CSGALNACT2: variants seen among roughly 807,000 people sequenced by gnomAD.
CSGALNACT2 encodes beta 4 GalNAcT-2.
Under a neutral mutation model 55.3 loss-of-function variants are expected in CSGALNACT2, and 35 were observed. The observed-to-expected ratio is 0.63, with a 90% CI of 0.48 to 0.84. The LOEUF (loss-of-function observed/expected upper bound fraction) is 0.84. CSGALNACT2 is among the 40% of genes least tolerant of loss of function. The probability of loss-of-function intolerance (pLI) is 0.00; values close to 1 mark genes in which losing one functional copy is unlikely to be tolerated. For missense variants in CSGALNACT2, 544 were observed against 657.5 expected (o/e 0.83, Z 1.89); for synonymous variants, 196 against 224.9 (o/e 0.87, Z 1.15).
intron 5 of CSGALNACT2, among the ~76,000 whole-genome samples, chr10:43,164,741 G>A (rs757596119): frequency 9.2e-5 from 14 of 151,562 alleles, no homozygotes; most frequent in Non-Finnish European, 1.0e-4. Context: ...TAGCTACTCG[G>A]GTGGCTGAGG....
Position 43,182,224 on chromosome 10 carries a change from A to G in CSGALNACT2, c.1337-1026A>G, listed in dbSNP as rs1839602684. On this transcript the variant is annotated intron_variant, in intron 7 of 7. Transcript: ENST00000374466. ...AACATTTATGCTGCCAGGTCCAGTC[A>G]GTTCTTCTTAAATTCTTCACTGAAT... is the stretch of plus-strand genomic sequence containing the variant. Among the ~76,000 whole-genome samples the G allele has an allele frequency of 2.0e-5, 3 of 152,140 alleles. No individual in the cohort carries two copies. The South Asian group carries it at 6.2e-4, about 32-fold the overall frequency.
At chr10:43,171,319 G>T (rs2503864) in intron 6 of CSGALNACT2, among the ~76,000 whole-genome samples, 127,156 of 151,906 alleles carry the variant, frequency 0.84, 53,821 homozygotes, top group African/African-American at 0.94. Context: ...AGTCAACATA[G>T]AAGCGTGAAG....
At position 43,142,420 on chromosome 10, in the gene CSGALNACT2, TCTTGAA is replaced by T. The variant is rs529570089; in HGVS notation, c.-254+3856_-254+3861del. On this transcript the variant is annotated intron_variant, in intron 1 of 7. Coordinates refer to ENST00000374466, the MANE Select transcript of CSGALNACT2 (RefSeq NM_018590.5). ...GGTTTCACCGTGTTCCTCAGGCTGGTCTTGAACTCCTGACCTCGTGATCTGCCTGCC... is the reference window on the plus strand; with the variant it reads ...GGTTTCACCGTGTTCCTCAGGCTGGTCTCCTGACCTCGTGATCTGCCTGCC... Among the ~76,000 whole-genome samples the T allele has an allele frequency of 3.0e-4, 46 of 152,256 alleles. 1 individual carries two copies. The highest frequency in any genetic ancestry group is 1.1e-3 in the African/African-American group (46 of 41,546).
intron 5 of CSGALNACT2, among the ~76,000 whole-genome samples, chr10:43,164,649 C>A (rs1032746028): frequency 3.9e-5 from 6 of 152,016 alleles, no homozygotes; most frequent in Admixed American, 6.6e-5. Flanking sequence ...GAGATTGAGA[C>A]CATCCTGGCC....
intron 2 of CSGALNACT2, among the ~76,000 whole-genome samples, chr10:43,157,950 A>AC (rs1162961750): frequency 2.0e-5 from 3 of 150,118 alleles, no homozygotes; most frequent in African/African-American, 7.4e-5. Flanking sequence ...AATTGCTTGA[A>AC]CCCGGGAGAT....
At chr10:43,162,676 A>G (rs1839177591) in intron 4 of CSGALNACT2, 1 of 985,168 alleles carries the variant, frequency 1.0e-6, no homozygotes, top group South Asian at 4.7e-5. Context: ...TACTTTTTTG[A>G]TTAGGCTGCA....
chr10:43,175,818 C>G, intron 6 of CSGALNACT2, 133 bp from the exon 7 acceptor site: 1 of 744,182 alleles, frequency 1.3e-6, no homozygotes, highest in Non-Finnish European at 2.3e-6. Context: ...AACATAAGTG[C>G]ATGTGATCCT....
intron 1 of CSGALNACT2, among the ~76,000 whole-genome samples, chr10:43,143,973 T>G (rs952351907): frequency 1.3e-5 from 2 of 152,198 alleles, no homozygotes; most frequent in African/African-American, 4.8e-5. Flanking sequence ...TATCAAGAAA[T>G]GAAACATTCT....
rs1838991766 is a variant in CSGALNACT2, at chr10:43,155,733, A to T, written c.584A>T (p.Asp195Val). 1 of 1,614,080 alleles carries T rather than the reference A, an allele frequency of 6.2e-7. No individual in the cohort carries two copies. Among genetic ancestry groups the T allele is most frequent in the African/African-American group, 1.3e-5 (1 of 74,942 alleles). Reference sequence around the variant, plus strand: ...GGCTTGGAGGTCATTAATAATCCTGATGAAGATGATGAACAAGAAGATGAG... The same window carrying T: ...GGCTTGGAGGTCATTAATAATCCTGTTGAAGATGATGAACAAGAAGATGAG... ...EAGLEVINNP[D>V]EDDEQEDEEG... The change falls in exon 2 of 8, where the codon GAT (aspartate) becomes GTT (valine). Residue 195 changes from aspartate (D) to valine (V), a missense_variant. Around this residue, in one of 2 missense-constraint regions of CSGALNACT2, gnomAD observed 374 missense variants for 401.3 expected, o/e 0.93. Coordinates refer to ENST00000374466, the MANE Select transcript of CSGALNACT2 (RefSeq NM_018590.5).
chr10:43,155,931 G>A (rs937001452), intron 2 of CSGALNACT2, 121 bp downstream of exon 2: 2 of 892,152 alleles, frequency 2.2e-6, no homozygotes, highest in Non-Finnish European at 3.3e-6. Flanking sequence ...GTAGACAAAT[G>A]TTAGTAATAT....
At chr10:43,169,358 T>G (rs1055161893) in intron 6 of CSGALNACT2, among the ~76,000 whole-genome samples, 1 of 152,140 alleles carries the variant, frequency 6.6e-6, no homozygotes, top group Non-Finnish European at 1.5e-5. Context: ...ACAGAAAAAT[T>G]AACACATGAG....
At chr10:43,152,257 G>A (rs1838891823) in intron 1 of CSGALNACT2, among the ~76,000 whole-genome samples, 1 of 152,106 alleles carries the variant, frequency 6.6e-6, no homozygotes, top group African/African-American at 2.4e-5. Context: ...TGACAATCAA[G>A]ATGTAACAAC....
intron 1 of CSGALNACT2, among the ~76,000 whole-genome samples, chr10:43,139,172 C>T (rs961691112): frequency 1.3e-5 from 2 of 152,184 alleles, no homozygotes; most frequent in African/African-American, 4.8e-5. Flanking sequence ...TTCTAGCGTG[C>T]TTTTGAGATA....
At chr10:43,163,097 T>G (rs78412252) in intron 4 of CSGALNACT2, 871 of 985,390 alleles carry the variant, frequency 8.8e-4, no homozygotes, top group Non-Finnish European at 1.0e-3. Flanking sequence ...CATTCTTACC[T>G]CTTTGCCTTT....
chr10:43,163,319 C>G, intron 4 of CSGALNACT2: 1 of 766,032 alleles, frequency 1.3e-6, no homozygotes, highest in Non-Finnish European at 1.6e-6. Flanking sequence ...ATGAACAAAA[C>G]AAAATCCCTG....
intron 6 of CSGALNACT2, among the ~76,000 whole-genome samples, chr10:43,168,864 G>GT (rs765519644): frequency 1.8e-4 from 27 of 152,234 alleles, no homozygotes; most frequent in Non-Finnish European, 3.8e-4. Flanking sequence ...GTTAGCAGCC[G>GT]TAAGTCTTGA....
chr10:43,182,068 C>T (rs556342056), intron 7 of CSGALNACT2, among the ~76,000 whole-genome samples: 173 of 150,510 alleles, frequency 1.1e-3, no homozygotes, highest in Non-Finnish European at 2.0e-3. Context: ...GAAATCTTCA[C>T]AATTTATGTT....
At chr10:43,143,951 T>A (rs972522439) in intron 1 of CSGALNACT2, among the ~76,000 whole-genome samples, 22 of 152,228 alleles carry the variant, frequency 1.4e-4, no homozygotes, top group African/African-American at 4.1e-4. Flanking sequence ...ACTTATCAAG[T>A]AATCAAGAAC....
At chr10:43,172,326 C>T (rs1044607478) in intron 6 of CSGALNACT2, among the ~76,000 whole-genome samples, 2 of 101,956 alleles carry the variant, frequency 2.0e-5, no homozygotes, top group Admixed American at 1.2e-4. Flanking sequence ...AGCTAAAAAG[C>T]GGGAAATAGC....
Sources: gnomAD v4.1 joint callset for allele counts (sites outside exome capture counted in the v4.1 genomes callset) on GRCh38, gnomAD v4.1.1 for gene constraint, gnomAD v4.1.1 regional missense constraint, MANE v1.5 for transcripts, NCBI Gene and HGNC (gene_info 2026-07-23, HGNC 2026-07-21) for gene names.